Variants in CDH13 observed in about 807,000 individuals in gnomAD.
The protein encoded by CDH13 is cadherin-13.
CDH13 carries 24 observed loss-of-function variants against 63.8 expected under a neutral mutation model. That is an observed-to-expected ratio of 0.38 (90% confidence interval 0.27 to 0.53). The LOEUF (loss-of-function observed/expected upper bound fraction) is 0.53. Among genes scored for constraint, CDH13 ranks in the 20% least tolerant of loss-of-function variants. CDH13 has a pLI of 0.85. For synonymous variants in CDH13, 503 were observed against 355.3 expected, an observed-to-expected ratio of 1.42 and a Z score of -4.67; for missense variants, 1,049 against 903.1, an observed-to-expected ratio of 1.16 and a Z score of -2.07.
At chr16:83,674,917 C>T (rs925191764) in intron 9 of CDH13, among the ~76,000 whole-genome samples, 1 of 152,186 alleles carries the variant, frequency 6.6e-6, no homozygotes, top group African/African-American at 2.4e-5. Context: ...ATCCGTTATT[C>T]CCCAAACCTT....
At chr16:83,011,863 T>C (rs1914194922) in intron 2 of CDH13, among the ~76,000 whole-genome samples, 1 of 152,250 alleles carries the variant, frequency 6.6e-6, no homozygotes, top group Non-Finnish European at 1.5e-5. Context: ...CCTTTCTTTC[T>C]TAGAGGGGAG....
intron 6 of CDH13, among the ~76,000 whole-genome samples, chr16:83,479,955 G>A (rs1245525653): frequency 1.3e-5 from 2 of 152,186 alleles, no homozygotes; most frequent in Non-Finnish European, 2.9e-5. Context: ...AGGTGTTAAT[G>A]GAAACACAAG....
chr16:82,674,003 G>C (rs897433506), intron 1 of CDH13, among the ~76,000 whole-genome samples: 1 of 152,190 alleles, frequency 6.6e-6, no homozygotes, highest in African/African-American at 2.4e-5. Flanking sequence ...GACTTTCAAA[G>C]GATGTACTCT....
At chr16:82,915,722 A>G (rs996837427) in intron 2 of CDH13, among the ~76,000 whole-genome samples, 12 of 151,822 alleles carry the variant, frequency 7.9e-5, no homozygotes, top group Non-Finnish European at 4.4e-5. Context: ...TCTCTTAGAC[A>G]TGCTGGTAAT....
chr16:83,143,220 A>G (rs926270062), intron 4 of CDH13, among the ~76,000 whole-genome samples: 1 of 152,216 alleles, frequency 6.6e-6, no homozygotes, highest in Non-Finnish European at 1.5e-5. Flanking sequence ...TTCTTTGGAT[A>G]TATTTTAAAC....
At chr16:82,826,873 C>G (rs538249607) in intron 1 of CDH13, among the ~76,000 whole-genome samples, 131 of 152,270 alleles carry the variant, frequency 8.6e-4, no homozygotes, top group Non-Finnish European at 1.7e-3. Context: ...GGCAGGTTTT[C>G]AAGTTACAGC....
At chr16:83,723,182 A>G (rs1196270115) in intron 10 of CDH13, among the ~76,000 whole-genome samples, 2 of 152,254 alleles carry the variant, frequency 1.3e-5, no homozygotes, top group Non-Finnish European at 2.9e-5. Flanking sequence ...TTCACTTGGC[A>G]GAAGGATTTG....
At chr16:83,034,328 C>G (rs963229353) in intron 3 of CDH13, among the ~76,000 whole-genome samples, 5 of 152,132 alleles carry the variant, frequency 3.3e-5, no homozygotes, top group African/African-American at 1.2e-4. Context: ...CACAATTCCC[C>G]TTCAGCATCT....
chr16:82,935,176 G>C (rs940257992), intron 2 of CDH13, among the ~76,000 whole-genome samples: 2 of 152,204 alleles, frequency 1.3e-5, no homozygotes, highest in Non-Finnish European at 2.9e-5. Context: ...GGTGGATGGG[G>C]AAGCAAATAC....
intron 2 of CDH13, among the ~76,000 whole-genome samples, chr16:82,918,161 G>A (rs16958850): frequency 0.36 from 54,043 of 151,988 alleles, 10,360 homozygotes; most frequent in Non-Finnish European, 0.44. Context: ...CCTCCTTTCT[G>A]TGGTCAAAGA....
chr16:82,830,637 G>C (rs1397355559), intron 1 of CDH13, among the ~76,000 whole-genome samples: 1 of 152,180 alleles, frequency 6.6e-6, no homozygotes, highest in African/African-American at 2.4e-5. Context: ...GTTCTTACCT[G>C]CTCAGTGTCT....
intron 10 of CDH13, among the ~76,000 whole-genome samples, chr16:83,678,775 C>A (rs912061677): frequency 6.6e-6 from 1 of 152,216 alleles, no homozygotes; most frequent in Non-Finnish European, 1.5e-5. Flanking sequence ...GGGAGCCACT[C>A]TGGGTGACCT....
chr16:83,305,304 C>T (rs1026961538), intron 5 of CDH13, among the ~76,000 whole-genome samples: 1 of 152,210 alleles, frequency 6.6e-6, no homozygotes, highest in Non-Finnish European at 1.5e-5. Flanking sequence ...AATTCCTTAA[C>T]ATATTTATCA....
At chr16:82,888,026 G>A (rs1436249164) in intron 2 of CDH13, among the ~76,000 whole-genome samples, 2 of 152,104 alleles carry the variant, frequency 1.3e-5, no homozygotes, top group East Asian at 1.9e-4. Context: ...TGGCCAAAGG[G>A]CTGTATGTCA....
chr16:83,525,145 G>C (rs1330034176), intron 7 of CDH13, among the ~76,000 whole-genome samples: 1 of 152,168 alleles, frequency 6.6e-6, no homozygotes, highest in Non-Finnish European at 1.5e-5. Flanking sequence ...ACAGACTCCA[G>C]TTGGCTCTAT....
At chr16:83,086,575 A>T (rs1216564227) in intron 3 of CDH13, among the ~76,000 whole-genome samples, 1 of 152,220 alleles carries the variant, frequency 6.6e-6, no homozygotes, top group African/African-American at 2.4e-5. Flanking sequence ...GGTCTTGTAT[A>T]GCTTAACTTA....
chr16:82,769,333 A>G (rs1158281152), intron 1 of CDH13, among the ~76,000 whole-genome samples: 1 of 152,178 alleles, frequency 6.6e-6, no homozygotes, highest in Non-Finnish European at 1.5e-5. Flanking sequence ...TGCAATCCTA[A>G]TTATACTAAG....
intron 2 of CDH13, among the ~76,000 whole-genome samples, chr16:83,006,934 T>TTG (rs201363850): frequency 0.095 from 14,247 of 150,646 alleles, 948 homozygotes; most frequent in African/African-American, 0.13. Flanking sequence ...GTTTGTTTGT[T>TTG]TTTTTTGAGA....
intron 3 of CDH13, among the ~76,000 whole-genome samples, chr16:83,084,608 C>T (rs1328868424): frequency 6.6e-6 from 1 of 152,118 alleles, no homozygotes; most frequent in Non-Finnish European, 1.5e-5. Flanking sequence ...AGCTTAAGTA[C>T]CCAGGTGCAG....
Sources: allele counts gnomAD v4.1 joint callset (sites outside exome capture counted in the v4.1 genomes callset), GRCh38; gene constraint gnomAD v4.1.1; transcripts MANE v1.5; gene names NCBI Gene and HGNC (gene_info 2026-07-23, HGNC 2026-07-21).